The following NRG4 variants were observed in gnomAD, a reference collection of about 807,000 sequenced individuals.
NRG4 encodes the protein pro-neuregulin-4, membrane-bound isoform.
A neutral mutation model predicts 15.0 loss-of-function variants in NRG4; 10 were observed. That is an observed-to-expected ratio of 0.67 (90% confidence interval 0.41 to 1.13). NRG4 has a LOEUF of 1.13. Among genes scored for constraint, NRG4 ranks in the 50% most tolerant of loss-of-function variants. NRG4 has a pLI of 0.00. For missense variants in NRG4, 139 were observed against 140.2 expected (o/e 0.99, Z 0.04); for synonymous variants, 41 against 50.1 (o/e 0.82, Z 0.77).
At chr15:76,052,122 T>C (rs1447888730) in exon 4 of NRG4, 1 of 151,112 alleles carries the variant, frequency 6.6e-6, no homozygotes, top group African/African-American at 2.5e-5. Context: ...GAGAGGAAAC[T>C]GGTTCTCTTT....
chr15:75,955,825 A>T, intron 5 of NRG4, 107 bp downstream of exon 5: 2 of 496,098 alleles, frequency 4.0e-6, no homozygotes, highest in Non-Finnish European at 3.5e-6. Flanking sequence ...AGAAAAGTTT[A>T]GGCTCAACCT....
intron 3 of NRG4, among the ~76,000 whole-genome samples, chr15:75,979,887 T>G (rs920873449): frequency 6.6e-6 from 1 of 152,222 alleles, no homozygotes; most frequent in Non-Finnish European, 1.5e-5. Flanking sequence ...CATCTGAAAT[T>G]GTACTGCAAA....
chr15:76,044,147 G>A (rs1344305068), intron 4 of NRG4, among the ~76,000 whole-genome samples: 1 of 151,060 alleles, frequency 6.6e-6, no homozygotes, highest in Non-Finnish European at 1.5e-5. Context: ...ACAAGCGCCC[G>A]CCACCGCGCC....
intron 2 of NRG4, among the ~76,000 whole-genome samples, chr15:76,010,875 T>A (rs1016753588): frequency 6.6e-6 from 1 of 152,118 alleles, no homozygotes; most frequent in Non-Finnish European, 1.5e-5. Flanking sequence ...ATTTATTTTA[T>A]CAATAAAGAA....
intron 3 of NRG4, among the ~76,000 whole-genome samples, chr15:75,999,242 CATT>C (rs898975645): frequency 5.9e-5 from 9 of 152,148 alleles, no homozygotes; most frequent in Non-Finnish European, 1.0e-4. Flanking sequence ...ACAGGGCTGA[CATT>C]ATAATGGGAA....
At chr15:75,985,338 G>C (rs975364523) in intron 3 of NRG4, among the ~76,000 whole-genome samples, 1 of 152,174 alleles carries the variant, frequency 6.6e-6, no homozygotes, top group African/African-American at 2.4e-5. Flanking sequence ...CACAAGCTTC[G>C]AAGAGTTCCC....
intron 3 of NRG4, among the ~76,000 whole-genome samples, chr15:75,978,564 G>A (rs182991383): frequency 4.9e-4 from 74 of 152,300 alleles, no homozygotes; most frequent in Admixed American, 1.4e-3. Context: ...ATACCCAGCA[G>A]CAGGATTGCT....
rs372189329 is a variant in NRG4 at position 75,976,697 on chromosome 15, C to T, written c.105-14723G>A. On this transcript the variant is annotated intron_variant, in intron 3 of 5. Coordinates refer to ENST00000394907, the MANE Select transcript of NRG4 (RefSeq NM_138573.4). ...AAAGATTGCTGCCTGTTCCTTCCTC[C>T]GGAAGCTTCATCCTAGAGGGGTACC... 3.3e-5 allele frequency among the ~76,000 whole-genome samples: 5 copies of T among 152,288 alleles called. No individual in the cohort carries two copies. In the East Asian group the frequency reaches 5.8e-4, roughly 18 times the overall value.
chr15:75,948,131 G>A (rs1380003502), intron 5 of NRG4, among the ~76,000 whole-genome samples: 1 of 152,020 alleles, frequency 6.6e-6, no homozygotes, highest in East Asian at 1.9e-4. Context: ...TGCTGATAGT[G>A]TCTTTTGATG....
chr15:76,031,309 C>T (rs905391766), intron 5 of NRG4, among the ~76,000 whole-genome samples: 5 of 152,114 alleles, frequency 3.3e-5, no homozygotes, highest in South Asian at 4.1e-4. Flanking sequence ...AGAAACAAGG[C>T]AAAGAAGTCC....
intron 5 of NRG4, among the ~76,000 whole-genome samples, chr15:76,028,290 T>A (rs58170668): frequency 0.037 from 5,624 of 150,490 alleles, 182 homozygotes; most frequent in African/African-American, 0.086. Context: ...AAACCCAAAT[T>A]AAAAAAAATC....
At chr15:75,948,044 T>C (rs1408877494) in intron 5 of NRG4, among the ~76,000 whole-genome samples, 1 of 152,206 alleles carries the variant, frequency 6.6e-6, no homozygotes, top group Non-Finnish European at 1.5e-5. Context: ...GTTCTTTATA[T>C]ATTCTGGGTA....
intron 5 of NRG4, among the ~76,000 whole-genome samples, chr15:75,952,302 G>A (rs1371429123): frequency 6.6e-6 from 1 of 152,082 alleles, no homozygotes; most frequent in Non-Finnish European, 1.5e-5. Flanking sequence ...AGATTTGCCT[G>A]TTCTGGGCAT....
chr15:75,968,731 G>C (rs2032949409), intron 3 of NRG4, among the ~76,000 whole-genome samples: 1 of 151,794 alleles, frequency 6.6e-6, no homozygotes, highest in African/African-American at 2.4e-5. Context: ...CAAGACCCCT[G>C]TCTCAAAGCA....
intron 4 of NRG4, chr15:75,959,177 G>A (rs772577638): frequency 2.6e-5 from 10 of 382,564 alleles, no homozygotes; most frequent in South Asian, 5.8e-5. Context: ...TTGTACAGAC[G>A]GGGTCTTGCT....
chr15:76,025,621 T>C (rs1249906286), intron 5 of NRG4, among the ~76,000 whole-genome samples: 1 of 152,068 alleles, frequency 6.6e-6, no homozygotes, highest in Non-Finnish European at 1.5e-5. Flanking sequence ...ACTCCTATAA[T>C]CCCAGCACTT....
At chr15:76,030,024 C>T (rs1352234294) in intron 5 of NRG4, among the ~76,000 whole-genome samples, 1 of 152,038 alleles carries the variant, frequency 6.6e-6, no homozygotes, top group Non-Finnish European at 1.5e-5. Flanking sequence ...TTTGGGAGGC[C>T]AAGGCGGGTG....
intron 4 of NRG4, among the ~76,000 whole-genome samples, chr15:76,050,257 T>C (rs2035964193): frequency 6.6e-6 from 1 of 150,784 alleles, no homozygotes; most frequent in South Asian, 2.1e-4. Flanking sequence ...AAGAGGATTC[T>C]ACAATTTCCC....
intron 5 of NRG4, among the ~76,000 whole-genome samples, chr15:75,948,933 C>A (rs1233591719): frequency 6.6e-6 from 1 of 152,090 alleles, no homozygotes; most frequent in Non-Finnish European, 1.5e-5. Flanking sequence ...CACCTGTAGT[C>A]TCAAATACTT....
Sources: allele counts gnomAD v4.1 joint callset (sites outside exome capture counted in the v4.1 genomes callset), GRCh38; gene constraint gnomAD v4.1.1; transcripts MANE v1.5; gene names NCBI Gene and HGNC (gene_info 2026-07-23, HGNC 2026-07-21).